The following VPS13D variants were observed in gnomAD, a reference collection of about 807,000 sequenced individuals.
The protein encoded by VPS13D is vacuolar protein sorting 13 homolog D.
In VPS13D, 187 loss-of-function variants were observed where a neutral mutation model predicts 461.9. The observed-to-expected ratio is 0.40, with a 90% CI of 0.36 to 0.46. The LOEUF (loss-of-function observed/expected upper bound fraction) is 0.46. VPS13D is among the 20% of genes least tolerant of loss of function. The pLI is 0.60. For synonymous variants in VPS13D, 1,951 were observed against 1,986.3 expected (o/e 0.98, Z 0.47); for missense variants, 4,711 against 5,364.9 (o/e 0.88, Z 3.81).
intron 34 of VPS13D, 93 bp downstream of exon 34, chr1:12,322,839 A>G (rs1643075968): frequency 9.2e-7 from 1 of 1,081,656 alleles, no homozygotes; most frequent in Non-Finnish European, 1.3e-6. Context: ...TAAATTGTAC[A>G]CAGTTTAATT....
chr1:12,304,725 C>G lies in VPS13D; in HGVS notation c.6436C>G (p.Pro2146Ala). The G allele has an allele frequency of 6.2e-7, 1 of 1,613,612 alleles. No homozygotes were observed. Among genetic ancestry groups the G allele is most frequent in the Non-Finnish European group, 8.5e-7 (1 of 1,179,982 alleles). ...TLSVGQESSS[P>A]EDHVCLLDCV... Reference sequence around the variant, plus strand: ...GTCTGTTGGCCAAGAGTCCAGTAGTCCAGGTAAAAGAGGAGAAAAGCAACA... The same window carrying G: ...GTCTGTTGGCCAAGAGTCCAGTAGTGCAGGTAAAAGAGGAGAAAAGCAACA... Residue 2146 changes from proline (P) to alanine (A), a missense_variant, in exon 26 of 70, where the codon CCA (proline) becomes GCA (alanine). Transcript: ENST00000620676.
intron 46 of VPS13D, 136 bp from the exon 47 acceptor site, chr1:12,353,836 ATG>A: frequency 1.2e-6 from 1 of 863,462 alleles, no homozygotes; most frequent in Non-Finnish European, 1.7e-6. Context: ...ATCTTAATAA[ATG>A]TATTTGGATT....
chr1:12,423,337 T>C (rs1195361747), intron 65 of VPS13D, among the ~76,000 whole-genome samples: 2 of 152,168 alleles, frequency 1.3e-5, no homozygotes, highest in African/African-American at 2.4e-5. Flanking sequence ...TTTTGAGATA[T>C]CACTTAACTA....
At chr1:12,449,453 G>A (rs1270119278) in intron 65 of VPS13D, among the ~76,000 whole-genome samples, 1 of 151,712 alleles carries the variant, frequency 6.6e-6, no homozygotes, top group African/African-American at 2.4e-5. Context: ...ATTTGGCTGA[G>A]TGAGGACTAG....
At chr1:12,325,652 A>G (rs1351887632) in intron 35 of VPS13D, among the ~76,000 whole-genome samples, 1 of 152,200 alleles carries the variant, frequency 6.6e-6, no homozygotes, top group Non-Finnish European at 1.5e-5. Context: ...TGTTGCCAAT[A>G]CAATTTTATA....
intron 3 of VPS13D, 144 bp downstream of exon 3, chr1:12,242,734 T>C: frequency 1.4e-6 from 1 of 715,266 alleles, no homozygotes; most frequent in Non-Finnish European, 2.3e-6. Flanking sequence ...TCTTAAAGTG[T>C]GGTCTTTGGG....
chr1:12,393,523 A>G (rs549633213), intron 60 of VPS13D, among the ~76,000 whole-genome samples: 1 of 152,340 alleles, frequency 6.6e-6, no homozygotes, highest in Admixed American at 6.5e-5. Flanking sequence ...AATTGGAGTC[A>G]CCATTTGGTT....
intron 68 of VPS13D, among the ~76,000 whole-genome samples, chr1:12,501,937 C>T (rs967724766): frequency 6.6e-6 from 1 of 152,104 alleles, no homozygotes; most frequent in Non-Finnish European, 1.5e-5. Flanking sequence ...GGCAGATACA[C>T]GGGACAGAAG....
chr1:12,355,258 A>T (rs1246326006), intron 47 of VPS13D, among the ~76,000 whole-genome samples: 1 of 152,218 alleles, frequency 6.6e-6, no homozygotes, highest in African/African-American at 2.4e-5. Context: ...ATCCACAAAG[A>T]TTCATATAGA....
At position 12,282,870 on chromosome 1, in the gene VPS13D, G is replaced by A; in HGVS notation, c.4768G>A (p.Glu1590Lys). Residue 1590 changes from glutamate to lysine, a missense_variant, in exon 21 of 70, where the codon GAG becomes AAG. This residue lies in a region of VPS13D where 4,411 missense variants were observed against 4,937.8 expected (regional missense o/e 0.89). Coordinates refer to ENST00000620676, the MANE Select transcript of VPS13D (RefSeq NM_015378.4). ...TCGESSVERKENGLFSHSSLS... is the reference protein window; with the variant it reads ...TCGESSVERKKNGLFSHSSLS... ...TGGAGAATCTTCTGTTGAAAGGAAG[G>A]AGAATGGATTGTTCAGCCACTCCAG... is the stretch of plus-strand genomic sequence containing the variant. The A allele has an allele frequency of 6.2e-7, 1 of 1,614,112 alleles. No homozygotes were observed. Among genetic ancestry groups the A allele is most frequent in the Non-Finnish European group, 8.5e-7 (1 of 1,180,012 alleles).
chr1:12,443,284 T>G (rs1437999097), intron 65 of VPS13D, among the ~76,000 whole-genome samples: 3 of 152,264 alleles, frequency 2.0e-5, no homozygotes, highest in Non-Finnish European at 2.9e-5. Flanking sequence ...TTTTTGAGAT[T>G]CATGCATGTT....
In VPS13D at chr1:12,277,065, A is replaced by G. The variant is rs1414657971; in HGVS notation, c.3477A>G (p.Thr1159=). The stretch of plus-strand genomic sequence containing the variant: ...GAGAACAAGGAACTTACCAGTCTAC[A>G]TATGAACAAAACACTGAGGTTGCAG... ...SFREQGTYQS[T]YEQNTEVAVE... Residue 1159 remains threonine, a synonymous_variant, in exon 19 of 70, where the codon ACA becomes ACG. Coordinates refer to ENST00000620676, the MANE Select transcript of VPS13D (RefSeq NM_015378.4). 19 of 1,614,206 alleles carry G rather than the reference A, an allele frequency of 1.2e-5. No homozygotes were observed. The highest frequency in any genetic ancestry group is 1.7e-5 in the Admixed American group (1 of 60,024).
At chr1:12,239,695 T>TA (rs2101192950) in intron 2 of VPS13D, among the ~76,000 whole-genome samples, 1 of 152,310 alleles carries the variant, frequency 6.6e-6, no homozygotes, top group South Asian at 2.1e-4. Context: ...GTTGACTCTT[T>TA]AAATAACCTG....
intron 54 of VPS13D, among the ~76,000 whole-genome samples, chr1:12,370,001 CTCTTTTGAAACTGACTAA>C (rs892986728): frequency 6.6e-6 from 1 of 152,008 alleles, no homozygotes; most frequent in African/African-American, 2.4e-5. Flanking sequence ...TGCCTGTTTC[CTCTTTTGAAACTGACTAA>C]TCTTCATCAT....
intron 62 of VPS13D, among the ~76,000 whole-genome samples, chr1:12,402,084 T>G (rs538510492): frequency 6.6e-6 from 1 of 152,222 alleles, no homozygotes; most frequent in African/African-American, 2.4e-5. Flanking sequence ...TTAAACAGAC[T>G]CCAGGCCAAG....
chr1:12,275,868 G>A lies in VPS13D; in HGVS notation c.2280G>A (p.Glu760=), dbSNP rs748649444. ...RKSRDGSASE[E]TQFSDDEYKT... is the part of the protein sequence containing the mutation. Reference sequence around the variant, plus strand: ...GTAGGGATGGGTCAGCATCTGAAGAGACCCAGTTTAGTGATGATGAATATA... The same window carrying A: ...GTAGGGATGGGTCAGCATCTGAAGAAACCCAGTTTAGTGATGATGAATATA... The change falls in exon 19 of 70, where the codon GAG becomes GAA. Residue 760 remains glutamate (E), a synonymous_variant. Transcript: ENST00000620676. The A allele has an allele frequency of 1.2e-6, 2 of 1,612,636 alleles. No individual in the cohort carries two copies. Among genetic ancestry groups the A allele is most frequent in the Non-Finnish European group, 1.7e-6 (2 of 1,179,520 alleles).
intron 36 of VPS13D, 51 bp downstream of exon 36, chr1:12,327,905 C>T (rs1643232508): frequency 6.4e-7 from 1 of 1,554,842 alleles, no homozygotes; most frequent in Non-Finnish European, 8.7e-7. Context: ...CCAGTCATTG[C>T]TGAATTATTT....
chr1:12,372,682 C>T (rs1322723784), intron 54 of VPS13D, among the ~76,000 whole-genome samples: 1 of 151,882 alleles, frequency 6.6e-6, no homozygotes, highest in Non-Finnish European at 1.5e-5. Flanking sequence ...TGTGTCCTTT[C>T]AAGCACAGAA....
At chr1:12,333,482 T>G in intron 38 of VPS13D, 116 bp downstream of exon 38, 1 of 1,273,552 alleles carries the variant, frequency 7.9e-7, no homozygotes, top group South Asian at 1.5e-5. Flanking sequence ...CATCACTTCT[T>G]CATCCTGACT....
Sources: allele counts gnomAD v4.1 joint callset (sites outside exome capture counted in the v4.1 genomes callset), GRCh38; gene constraint gnomAD v4.1.1; regional missense constraint gnomAD v4.1.1; transcripts MANE v1.5; gene names NCBI Gene and HGNC (gene_info 2026-07-23, HGNC 2026-07-21).